The following UBE2J2 variants were observed in gnomAD, a reference collection of about 807,000 sequenced individuals.
UBE2J2 encodes ubiquitin-conjugating enzyme E2 J2.
In UBE2J2, 5 loss-of-function variants were observed where a neutral mutation model predicts 28.6. That is an observed-to-expected ratio of 0.17 (90% CI 0.09 to 0.37). UBE2J2 has a LOEUF of 0.37. UBE2J2 is among the 10% of genes least tolerant of loss of function. The pLI is 1.00. For missense variants in UBE2J2, 226 were observed against 338.9 expected (o/e 0.67, Z 2.62); for synonymous variants, 138 against 139.7 (o/e 0.99, Z 0.09).
At chr1:1,270,672 C>G (rs898956062) in intron 1 of UBE2J2, among the ~76,000 whole-genome samples, 1 of 152,172 alleles carries the variant, frequency 6.6e-6, no homozygotes, top group Non-Finnish European at 1.5e-5. Flanking sequence ...TAGTCTCTTC[C>G]CATTTCAAGG....
chr1:1,268,047 C>T lies in UBE2J2; in HGVS notation c.1-55G>A, dbSNP rs1424072714. The T allele has an allele frequency of 2.5e-6, 4 of 1,599,214 alleles. No homozygotes were observed. The highest frequency in any genetic ancestry group is 1.3e-5 in the African/African-American group (1 of 74,636). ...GAGAAGCAGCGCCGGCCACAGCTCT[C>T]TCCCCTGGCGCAGCCCCACTCCCGC... is the stretch of plus-strand genomic sequence containing the variant. On this transcript the variant is annotated intron_variant, in intron 1 of 6. Transcript: ENST00000349431. This position sits in a 1 kb window ranked among gnomAD's most constrained non-coding sequence, Gnocchi z 4.7.
In UBE2J2 at chr1:1,268,041, A is replaced by G. The variant is rs777931417; in HGVS notation, c.1-49T>C. On this transcript the variant is annotated intron_variant, in intron 1 of 6. Coordinates refer to ENST00000349431, the MANE Select transcript of UBE2J2 (RefSeq NM_058167.3). The surrounding 1 kb of genome is among the most constrained non-coding windows in gnomAD (Gnocchi z 4.7). ...GACGACGAGAAGCAGCGCCGGCCAC[A>G]GCTCTCTCCCCTGGCGCAGCCCCAC... 1.2e-6 allele frequency: 2 copies of G among 1,603,568 alleles called. No individual in the cohort carries two copies. The highest frequency in any genetic ancestry group is 8.5e-7 in the Non-Finnish European group (1 of 1,173,146).
chr1:1,257,436 ACT>A, intron 3 of UBE2J2, 126 bp from the exon 4 acceptor site: 1 of 482,828 alleles, frequency 2.1e-6, no homozygotes, highest in Non-Finnish European at 3.5e-6. Flanking sequence ...TCCTCATTGC[ACT>A]CTCCGTCCCC....
chr1:1,265,681 A>C (rs1162003516), intron 2 of UBE2J2, among the ~76,000 whole-genome samples: 1 of 147,838 alleles, frequency 6.8e-6, no homozygotes, highest in Non-Finnish European at 1.5e-5. Flanking sequence ...AGGCTGGAGT[A>C]CAGTGGTGCG....
intron 3 of UBE2J2, 161 bp downstream of exon 3, chr1:1,263,185 G>T: frequency 1.4e-6 from 1 of 689,900 alleles, no homozygotes; most frequent in Non-Finnish European, 2.6e-6. Context: ...CTTCCAGCGT[G>T]TGGAGAAGCA....
At chr1:1,267,603 C>T (rs552513945) in intron 2 of UBE2J2, 17 of 912,630 alleles carry the variant, frequency 1.9e-5, no homozygotes, top group East Asian at 3.9e-5. Context: ...CCCCGCCCCC[C>T]TCAAGGGCCC....
chr1:1,266,037 A>G, intron 2 of UBE2J2: 7 of 1,300,186 alleles, frequency 5.4e-6, no homozygotes, highest in Non-Finnish European at 7.1e-6. Flanking sequence ...ATTTCCCCAC[A>G]CAATGAAGAC....
chr1:1,264,355 G>C lies in UBE2J2; in HGVS notation c.132-969C>G, dbSNP rs572833287. Among the ~76,000 whole-genome samples, 3 of 152,334 alleles carry C rather than the reference G, an allele frequency of 2.0e-5. No homozygotes were observed. In the East Asian group the frequency reaches 5.8e-4, roughly 29 times the overall value. ...TTCCCAAACGAAACAGAAGAGCACAGAGAAGAAAGTAAAACCAGCTAGAAA... is the reference window on the plus strand; with the variant it reads ...TTCCCAAACGAAACAGAAGAGCACACAGAAGAAAGTAAAACCAGCTAGAAA... On this transcript the variant is annotated intron_variant, in intron 2 of 6. Coordinates refer to ENST00000349431, the MANE Select transcript of UBE2J2 (RefSeq NM_058167.3).
At chr1:1,269,055 G>A (rs1468905604) in intron 1 of UBE2J2, among the ~76,000 whole-genome samples, 5 of 152,206 alleles carry the variant, frequency 3.3e-5, no homozygotes, top group Admixed American at 6.5e-5. Context: ...GCTCCATTGG[G>A]ACGTTCAAGA....
intron 1 of UBE2J2, among the ~76,000 whole-genome samples, chr1:1,271,826 T>G (rs1043562057): frequency 4.0e-5 from 6 of 151,498 alleles, no homozygotes; most frequent in African/African-American, 7.3e-5. Flanking sequence ...AATACAAAAT[T>G]AATCAGGCAT....
chr1:1,262,685 C>T (rs556780323), intron 3 of UBE2J2, among the ~76,000 whole-genome samples: 9 of 152,330 alleles, frequency 5.9e-5, no homozygotes, highest in Non-Finnish European at 8.8e-5. Flanking sequence ...TATTCACGGG[C>T]ACACTGACTA....
chr1:1,256,934 A>G lies in UBE2J2; in HGVS notation c.414+58T>C, dbSNP rs577797982. On this transcript the variant is annotated intron_variant, in intron 5 of 6. Coordinates refer to ENST00000349431, the MANE Select transcript of UBE2J2 (RefSeq NM_058167.3). ...AAAGGCAGCTGCAACTCAGGAACAG[A>G]GAACAGCCCCCCAGACACAAGGCTG... 13 of 1,308,602 alleles carry G rather than the reference A, an allele frequency of 9.9e-6. No individual in the cohort carries two copies. In the East Asian group the frequency reaches 3.4e-4, roughly 34 times the overall value. 81.1% of individuals were successfully genotyped at this position (1,308,602 alleles called of 1,614,324 possible).
intron 2 of UBE2J2, among the ~76,000 whole-genome samples, chr1:1,263,977 T>A (rs1453000181): frequency 6.6e-6 from 1 of 152,132 alleles, no homozygotes; most frequent in Non-Finnish European, 1.5e-5. Flanking sequence ...GGCAACAGAG[T>A]GAGACCCTAT....
chr1:1,265,091 C>T lies in UBE2J2; in HGVS notation c.132-1705G>A, dbSNP rs797013473. Among the ~76,000 whole-genome samples the T allele has an allele frequency of 2.9e-4, 44 of 152,314 alleles. 2 individuals carry two copies. Among genetic ancestry groups the T allele is most frequent in the African/African-American group, 1.0e-3 (43 of 41,572 alleles). ...GCCTTACGTTGTTACTGTGCCCAAC[C>T]TGCGAAAACTGGGAAGAAATGAAGA... On this transcript the variant is annotated intron_variant, in intron 2 of 6. Transcript: ENST00000349431.
At chr1:1,258,729 C>T (rs2101041991) in intron 3 of UBE2J2, among the ~76,000 whole-genome samples, 1 of 152,380 alleles carries the variant, frequency 6.6e-6, no homozygotes, top group Non-Finnish European at 1.5e-5. Flanking sequence ...CCTGGTATCA[C>T]ACCCACTCCA....
chr1:1,261,568 T>C (rs1639561818), intron 3 of UBE2J2, among the ~76,000 whole-genome samples: 1 of 152,152 alleles, frequency 6.6e-6, no homozygotes, highest in Non-Finnish European at 1.5e-5. Flanking sequence ...ACTATTTATT[T>C]TTAAAAAACT....
At chr1:1,272,024 G>A (rs1640178169) in intron 1 of UBE2J2, among the ~76,000 whole-genome samples, 1 of 149,240 alleles carries the variant, frequency 6.7e-6, no homozygotes, top group Non-Finnish European at 1.5e-5. Flanking sequence ...TGTGGTGGTG[G>A]GCACCTGCAA....
Position 1,257,410 on chromosome 1 carries a change from C to T in UBE2J2, c.173-100G>A, listed in dbSNP as rs528488240. Reference sequence around the variant, plus strand: ...CCCACGCCACCCCCCCCCCCCCCCTCAGCTCGGCTCCCGAGTCCTCATTGC... The same window carrying T: ...CCCACGCCACCCCCCCCCCCCCCCTTAGCTCGGCTCCCGAGTCCTCATTGC... On this transcript the variant is annotated intron_variant, in intron 3 of 6. Transcript: ENST00000349431. The T allele has an allele frequency of 1.4e-4, 85 of 619,580 alleles. 1 individual carries two copies. The East Asian group carries it at 1.6e-3, about 12-fold the overall frequency. The allele number at this position is 619,580 out of a possible 1,614,324, so 38.4% of individuals were successfully genotyped here.
At chr1:1,255,994 C>T (rs1439581959) in intron 6 of UBE2J2, 51 bp downstream of exon 6, 1 of 1,285,862 alleles carries the variant, frequency 7.8e-7, no homozygotes, top group African/African-American at 1.5e-5. Context: ...AGAGGTGAAA[C>T]TCAAGTGTTT....
Sources: gnomAD v4.1 joint callset for allele counts (sites outside exome capture counted in the v4.1 genomes callset) on GRCh38, gnomAD v4.1.1 for gene constraint, Gnocchi (gnomAD v3.1) non-coding constraint, MANE v1.5 for transcripts, NCBI Gene and HGNC (gene_info 2026-07-23, HGNC 2026-07-21) for gene names.